GALNT10: variants seen among roughly 807,000 people sequenced by gnomAD.
GALNT10 encodes polypeptide N-acetylgalactosaminyltransferase 10, also known as GalNAc transferase 10.
GALNT10 carries 41 observed loss-of-function variants against 75.0 expected under a neutral mutation model. The observed-to-expected ratio is 0.55, with a 90% confidence interval of 0.43 to 0.71. The LOEUF (loss-of-function observed/expected upper bound fraction) is 0.71. GALNT10 is among the 30% of genes least tolerant of loss of function. The pLI is 0.00. For synonymous variants in GALNT10, 302 were observed against 313.0 expected, an observed-to-expected ratio of 0.96 and a Z score of 0.37; for missense variants, 727 against 818.5, an observed-to-expected ratio of 0.89 and a Z score of 1.36.
At chr5:154,245,537 CTT>C (rs36050515) in intron 1 of GALNT10, among the ~76,000 whole-genome samples, 1 of 147,494 alleles carries the variant, frequency 6.8e-6, no homozygotes, top group East Asian at 2.0e-4. Context: ...CGAGCTCTGG[CTT>C]TTTTTTTTTA....
intron 3 of GALNT10, among the ~76,000 whole-genome samples, chr5:154,303,032 C>A (rs1245071860): frequency 6.6e-6 from 1 of 152,054 alleles, no homozygotes; most frequent in Non-Finnish European, 1.5e-5. Flanking sequence ...CCAATTGGAA[C>A]ATACACATAG....
At chr5:154,308,468 G>T (rs1442032776) in intron 3 of GALNT10, among the ~76,000 whole-genome samples, 1 of 152,150 alleles carries the variant, frequency 6.6e-6, no homozygotes, top group African/African-American at 2.4e-5. Context: ...TAAGCCTGGG[G>T]CAAGAAAGGG....
chr5:154,367,853 G>A (rs1279498002), intron 4 of GALNT10, among the ~76,000 whole-genome samples: 1 of 142,126 alleles, frequency 7.0e-6, no homozygotes, highest in Non-Finnish European at 1.5e-5. Context: ...GCAAGACTCC[G>A]TCTCAAAAAA....
At chr5:154,241,491 A>G (rs1282229200) in intron 1 of GALNT10, among the ~76,000 whole-genome samples, 3 of 152,188 alleles carry the variant, frequency 2.0e-5, no homozygotes, top group Non-Finnish European at 4.4e-5. Flanking sequence ...TGCAATTTAT[A>G]TATTTTTAAG....
intron 1 of GALNT10, among the ~76,000 whole-genome samples, chr5:154,253,558 G>C (rs949731304): frequency 1.3e-5 from 2 of 151,932 alleles, no homozygotes; most frequent in Admixed American, 1.3e-4. Context: ...AAAATATTCT[G>C]CTTTGTATTT....
At chr5:154,231,822 G>A (rs1753154873) in intron 1 of GALNT10, among the ~76,000 whole-genome samples, 1 of 152,176 alleles carries the variant, frequency 6.6e-6, no homozygotes, top group Admixed American at 6.5e-5. Context: ...CTGGGATACA[G>A]AAAAGTCCTT....
At chr5:154,210,050 G>T (rs2113647674) in intron 1 of GALNT10, among the ~76,000 whole-genome samples, 1 of 152,228 alleles carries the variant, frequency 6.6e-6, no homozygotes, top group Admixed American at 6.5e-5. Flanking sequence ...TGGAATTGAG[G>T]CTAAGGGATG....
At chr5:154,328,997 GC>G (rs1470333192) in intron 3 of GALNT10, among the ~76,000 whole-genome samples, 3 of 152,036 alleles carry the variant, frequency 2.0e-5, no homozygotes, top group Non-Finnish European at 4.4e-5. Flanking sequence ...AAAGTTCCAA[GC>G]TTCTAATTAT....
chr5:154,205,124 G>T (rs1775086491), intron 1 of GALNT10, among the ~76,000 whole-genome samples: 1 of 152,232 alleles, frequency 6.6e-6, no homozygotes, highest in Admixed American at 6.5e-5. Flanking sequence ...ACCCTAAGGG[G>T]CTGTGTTCTC....
intron 4 of GALNT10, among the ~76,000 whole-genome samples, chr5:154,340,956 AT>A (rs1755024352): frequency 6.6e-6 from 1 of 152,244 alleles, no homozygotes; most frequent in Non-Finnish European, 1.5e-5. Flanking sequence ...TAAAAAGAAA[AT>A]TCCACCACTG....
intron 1 of GALNT10, among the ~76,000 whole-genome samples, chr5:154,236,789 C>T (rs58599922): frequency 0.15 from 22,701 of 152,212 alleles, 1,863 homozygotes; most frequent in Non-Finnish European, 0.18. Context: ...AAATGTACCA[C>T]CGAGCTGGAA....
intron 1 of GALNT10, among the ~76,000 whole-genome samples, chr5:154,285,029 A>G (rs1754092523): frequency 6.6e-6 from 1 of 152,230 alleles, no homozygotes; most frequent in Non-Finnish European, 1.5e-5. Context: ...CGCTCATGGA[A>G]TATGAAGACA....
At chr5:154,286,477 A>G (rs1344275996) in intron 1 of GALNT10, among the ~76,000 whole-genome samples, 1 of 151,996 alleles carries the variant, frequency 6.6e-6, no homozygotes, top group East Asian at 1.9e-4. Flanking sequence ...GGGAAAAGCT[A>G]CTGAAGGTTC....
chr5:154,191,732 T>G (rs533428976), intron 1 of GALNT10, among the ~76,000 whole-genome samples: 10 of 152,318 alleles, frequency 6.6e-5, no homozygotes, highest in Non-Finnish European at 1.5e-4. Flanking sequence ...GAGGTGGGGC[T>G]CTGGTGGGGG....
chr5:154,359,431 C>CT (rs1755347425), intron 4 of GALNT10, among the ~76,000 whole-genome samples: 1 of 151,788 alleles, frequency 6.6e-6, no homozygotes, highest in Middle Eastern at 3.2e-3. Flanking sequence ...CAAGGTGGCC[C>CT]TGGAGGCCTG....
chr5:154,384,861 A>T (rs1755787147), intron 6 of GALNT10, among the ~76,000 whole-genome samples: 1 of 152,216 alleles, frequency 6.6e-6, no homozygotes, highest in Admixed American at 6.5e-5. Flanking sequence ...CCAGTTTTAC[A>T]TGTGTAAAAT....
intron 4 of GALNT10, chr5:154,347,262 A>G (rs1755138285): frequency 2.1e-6 from 1 of 466,664 alleles, no homozygotes; most frequent in Non-Finnish European, 4.2e-6. Context: ...GGACAAGCGC[A>G]TGGCAGAGTC....
At chr5:154,236,753 G>T (rs1753252868) in intron 1 of GALNT10, among the ~76,000 whole-genome samples, 1 of 152,200 alleles carries the variant, frequency 6.6e-6, no homozygotes, top group Admixed American at 6.5e-5. Context: ...CAGAAACAGG[G>T]TCACATTTAG....
chr5:154,334,372 C>CATG (rs1359134419), intron 4 of GALNT10, among the ~76,000 whole-genome samples: 1 of 152,206 alleles, frequency 6.6e-6, no homozygotes, highest in East Asian at 1.9e-4. Flanking sequence ...TCTTCAAATG[C>CATG]ATGAGCTTTG....
Sources: gnomAD v4.1 joint callset for allele counts (sites outside exome capture counted in the v4.1 genomes callset) on GRCh38, gnomAD v4.1.1 for gene constraint, MANE v1.5 for transcripts, NCBI Gene and HGNC (gene_info 2026-07-23, HGNC 2026-07-21) for gene names.